Variants in ALOX12 observed in about 807,000 individuals in gnomAD.
The protein encoded by ALOX12 is polyunsaturated fatty acid lipoxygenase ALOX12.
Under a neutral mutation model 85.5 loss-of-function variants are expected in ALOX12, and 62 were observed. The observed-to-expected ratio is 0.73, with a 90% confidence interval of 0.59 to 0.90. The LOEUF is 0.90. Among genes scored for constraint, ALOX12 ranks in the 40% least tolerant of loss-of-function variants. ALOX12 has a pLI of 0.00. For missense variants in ALOX12, 751 were observed against 856.5 expected (o/e 0.88, Z 1.54); for synonymous variants, 299 against 332.7 (o/e 0.90, Z 1.10).
intron 5 of ALOX12, 45 bp from the exon 6 acceptor site, chr17:6,999,261 A>T: frequency 6.2e-7 from 1 of 1,612,506 alleles, no homozygotes. Flanking sequence ...GAGAAGGGAT[A>T]TGCAGGCTGT....
At chr17:7,005,225 C>A (rs747410809) in intron 8 of ALOX12, 32 bp from the exon 9 acceptor site, 2 of 1,588,340 alleles carry the variant, frequency 1.3e-6, no homozygotes, top group South Asian at 2.2e-5. Flanking sequence ...ATGGCCTCCA[C>A]CAGTCACGCC....
chr17:7,004,936 G>GCAT (rs1166308994), intron 8 of ALOX12, among the ~76,000 whole-genome samples: 4 of 152,148 alleles, frequency 2.6e-5, no homozygotes, highest in Non-Finnish European at 5.9e-5. Context: ...ACTTAGGTGA[G>GCAT]CATCACCACA....
At position 7,010,698 on chromosome 17, in the gene ALOX12, G is replaced by A; in HGVS notation, c.*275G>A. ...AGGCAGCCACAGACAACATGGAAAT[G>A]AGTGTGACTATGTTCCAATAAAACT... On this transcript the variant is annotated 3_prime_UTR_variant, in exon 14 of 14. Coordinates refer to ENST00000251535, the MANE Select transcript of ALOX12 (RefSeq NM_000697.3). The A allele has an allele frequency of 2.8e-6, 1 of 354,042 alleles. No homozygotes were observed. Among genetic ancestry groups the A allele is most frequent in the Non-Finnish European group, 5.1e-6 (1 of 196,076 alleles). The allele number at this position is 354,042 out of a possible 1,614,324, so 21.9% of individuals were successfully genotyped here. A position where few individuals can be genotyped will look rare whatever the true frequency, so the allele number is the denominator to read the frequency against.
At chr17:6,997,149 T>C (rs2151638270) in intron 2 of ALOX12, 122 bp downstream of exon 2, 1 of 1,422,706 alleles carries the variant, frequency 7.0e-7, no homozygotes, top group South Asian at 1.5e-5. Context: ...GCAGGTGAAA[T>C]GTAGGGATCC....
At chr17:7,004,483 A>T (rs1410320278) in intron 8 of ALOX12, among the ~76,000 whole-genome samples, 1 of 146,716 alleles carries the variant, frequency 6.8e-6, no homozygotes, top group East Asian at 2.0e-4. Flanking sequence ...TTTAATTTAA[A>T]ATTAAATATT....
chr17:7,006,059 C>CGGGGGGGGG lies in ALOX12; in HGVS notation c.1418+32_1418+33insGGGGGGGGG, dbSNP rs1491546294. 21 of 135,678 alleles carry CGGGGGGGGG rather than the reference C, an allele frequency of 1.5e-4. 2 individuals are homozygous for CGGGGGGGGG. The highest frequency in any genetic ancestry group is 1.1e-3 in the East Asian group (3 of 2,612). The allele number at this position is 135,678 out of a possible 1,614,324, so 8.4% of individuals were successfully genotyped here. On this transcript the variant is annotated intron_variant, in intron 10 of 13. Coordinates refer to ENST00000251535, the MANE Select transcript of ALOX12 (RefSeq NM_000697.3). ...AAGGAGGAGCTGAGAAATGGTGGGG[C>CGGGGGGGGG]CGGGGGGGGGGGGGGCTCTGGCCTG... is the stretch of plus-strand genomic sequence containing the variant.
intron 5 of ALOX12, 41 bp downstream of exon 5, chr17:6,999,097 C>T (rs2151639509): frequency 1.3e-6 from 2 of 1,581,826 alleles, no homozygotes; most frequent in African/African-American, 1.3e-5. Context: ...CTTAATGGCC[C>T]CTCTGGATGA....
At chr17:6,998,470 G>C (rs1301984442) in intron 2 of ALOX12, 39 bp from the exon 3 acceptor site, 2 of 1,417,864 alleles carry the variant, frequency 1.4e-6, no homozygotes, top group African/African-American at 1.4e-5. Flanking sequence ...CATAGGACCA[G>C]ACAGAGCCGT....
Position 7,010,012 on chromosome 17 carries a change from C to T in ALOX12, c.1698C>T (p.Pro566=), listed in dbSNP as rs1226742627. 8.1e-6 allele frequency: 13 copies of T among 1,614,082 alleles called. No homozygotes were observed. Among genetic ancestry groups the T allele is most frequent in the Non-Finnish European group, 1.0e-5 (12 of 1,180,044 alleles). The stretch of plus-strand genomic sequence containing the variant: ...CATGCACAATGCGGATGCCCCCACC[C>T]ACCACCAAGGAAGATGTGACGATGG... ...NAPCTMRMPP[P]TTKEDVTMAT... The change falls in exon 13 of 14, where the codon CCC becomes CCT. Residue 566 remains proline, a synonymous_variant. Coordinates refer to ENST00000251535, the MANE Select transcript of ALOX12 (RefSeq NM_000697.3).
chr17:7,010,429 A>G lies in ALOX12; in HGVS notation c.*6A>G. 6.2e-7 allele frequency: 1 copy of G among 1,609,422 alleles called. No homozygotes were observed. Among genetic ancestry groups the G allele is most frequent in the Non-Finnish European group, 8.5e-7 (1 of 1,177,888 alleles). On this transcript the variant is annotated 3_prime_UTR_variant, in exon 14 of 14. Coordinates refer to ENST00000251535, the MANE Select transcript of ALOX12 (RefSeq NM_000697.3). The stretch of plus-strand genomic sequence containing the variant: ...AGAACAGTGTCACCATCTGAGCCCT[A>G]GAGTGACTCTACCTGCAAGATTTCA...
chr17:7,007,391 T>C (rs1285367570), intron 11 of ALOX12, among the ~76,000 whole-genome samples: 1 of 152,164 alleles, frequency 6.6e-6, no homozygotes, highest in Non-Finnish European at 1.5e-5. Context: ...AGGCTGTGAA[T>C]ACCATCCTCT....
intron 8 of ALOX12, 130 bp from the exon 9 acceptor site, chr17:7,005,127 G>A: frequency 1.2e-6 from 1 of 846,590 alleles, no homozygotes. Context: ...TGAGTGATCA[G>A]AACAGCAGGA....
chr17:7,010,624 G>A lies in ALOX12; in HGVS notation c.*201G>A, dbSNP rs1909346508. 1 of 599,594 alleles carries A rather than the reference G, an allele frequency of 1.7e-6. No homozygotes were observed. Among genetic ancestry groups the A allele is most frequent in the South Asian group, 2.7e-5 (1 of 36,906 alleles). 37.1% of individuals were successfully genotyped at this position (599,594 alleles called of 1,614,324 possible). On this transcript the variant is annotated 3_prime_UTR_variant, in exon 14 of 14. Transcript: ENST00000251535. ...ACTAGATCCTTTTTTACGCTTTGCAGACCGCATAGTCACTGTCTCAACTAC... is the reference window on the plus strand; with the variant it reads ...ACTAGATCCTTTTTTACGCTTTGCAAACCGCATAGTCACTGTCTCAACTAC...
In ALOX12 at chr17:7,000,193, CA is replaced by C. The variant is rs1289679628; in HGVS notation, c.808-142del. On this transcript the variant is annotated intron_variant, in intron 6 of 13. Transcript: ENST00000251535. The surrounding 1 kb of genome is among the most constrained non-coding windows in gnomAD (Gnocchi z 4.6). The stretch of plus-strand genomic sequence containing the variant: ...CACTTTAAGATGAGAGGAACTGGAC[CA>C]GGGGCTCTAGTTCTCCCAACAGGGC... The C allele has an allele frequency of 1.1e-6, 1 of 926,638 alleles. No individual in the cohort carries two copies. The highest frequency in any genetic ancestry group is 2.2e-5 in the Admixed American group (1 of 44,838). 57.4% of individuals were successfully genotyped at this position (926,638 alleles called of 1,614,324 possible).
intron 3 of ALOX12, 21 bp downstream of exon 3, chr17:6,998,611 C>G: frequency 6.2e-7 from 1 of 1,607,860 alleles, no homozygotes; most frequent in Non-Finnish European, 8.5e-7. Context: ...ACCCCTTAAA[C>G]TAACCCCGCC....
At chr17:6,997,140 C>T in intron 2 of ALOX12, 113 bp downstream of exon 2, 6 of 1,427,620 alleles carry the variant, frequency 4.2e-6, no homozygotes, top group Non-Finnish European at 5.5e-6. Context: ...GGGCCCAGGG[C>T]AGGTGAAATG....
intron 10 of ALOX12, 29 bp downstream of exon 10, chr17:7,006,056 G>A: frequency 4.7e-6 from 1 of 214,830 alleles, no homozygotes; most frequent in Non-Finnish European, 1.0e-5. Flanking sequence ...AGAAATGGTG[G>A]GGCCGGGGGG....
chr17:7,001,616 C>G lies in ALOX12; in HGVS notation c.966C>G (p.Asn322Lys). The G allele has an allele frequency of 6.2e-7, 1 of 1,613,940 alleles. No homozygotes were observed. Among genetic ancestry groups the G allele is most frequent in the South Asian group, 1.1e-5 (1 of 91,080 alleles). ...QPMVIQIQPP[N>K]PSSPTPTLFL... ...CTTTCTCCCAGATTCAGCCTCCCAACCCCAGCTCTCCAACCCCAACACTGT... is the reference window on the plus strand; with the variant it reads ...CTTTCTCCCAGATTCAGCCTCCCAAGCCCAGCTCTCCAACCCCAACACTGT... The change falls in exon 8 of 14, where the codon AAC (asparagine) becomes AAG (lysine). Residue 322 changes from asparagine to lysine, a missense_variant. Physicochemically the swap from Asn to Lys is moderately conservative, Grantham distance 94. Transcript: ENST00000251535.
rs772281584 is a variant in ALOX12 at position 7,006,594 on chromosome 17, G to A, written c.1527G>A (p.Gln509=). The change falls in exon 11 of 14, where the codon CAG becomes CAA. Residue 509 remains glutamine (Q), a synonymous_variant. Transcript: ENST00000251535. ...CREITEVGLC[Q]AQDRGFPVSF... is the part of the protein sequence containing the mutation. ...AGATCACGGAGGTGGGGCTGTGCCAGGCCCAGGACCGAGGTAAGATCCATT... is the reference window on the plus strand; with the variant it reads ...AGATCACGGAGGTGGGGCTGTGCCAAGCCCAGGACCGAGGTAAGATCCATT... The A allele has an allele frequency of 6.2e-7, 1 of 1,606,026 alleles. No individual in the cohort carries two copies. The highest frequency in any genetic ancestry group is 8.5e-7 in the Non-Finnish European group (1 of 1,175,926).
Sources: gnomAD v4.1 joint callset for allele counts (sites outside exome capture counted in the v4.1 genomes callset) on GRCh38, gnomAD v4.1.1 for gene constraint, Gnocchi (gnomAD v3.1) non-coding constraint, MANE v1.5 for transcripts, NCBI Gene and HGNC (gene_info 2026-07-23, HGNC 2026-07-21) for gene names.